CDH13: variants seen among roughly 807,000 people sequenced by gnomAD.
CDH13 encodes cadherin-13.
Under a neutral mutation model 63.8 loss-of-function variants are expected in CDH13, and 24 were observed. The observed-to-expected ratio is 0.38, with a 90% CI of 0.27 to 0.53. The LOEUF (loss-of-function observed/expected upper bound fraction) is 0.53, where lower values mean the gene tolerates loss of function less well. CDH13 is among the 20% of genes least tolerant of loss of function. CDH13 has a pLI of 0.85. For missense variants in CDH13, 1,049 were observed against 903.1 expected (o/e 1.16, Z -2.07); for synonymous variants, 503 against 355.3 (o/e 1.42, Z -4.67).
At chr16:82,850,729 C>A (rs900984248) in intron 1 of CDH13, among the ~76,000 whole-genome samples, 2 of 152,166 alleles carry the variant, frequency 1.3e-5, no homozygotes, top group African/African-American at 4.8e-5. Context: ...GCCACAGCCT[C>A]CCCAACCTTC....
At chr16:83,541,505 C>G (rs1338388594) in intron 7 of CDH13, among the ~76,000 whole-genome samples, 1 of 152,178 alleles carries the variant, frequency 6.6e-6, no homozygotes, top group East Asian at 1.9e-4. Context: ...ACTTAATTTT[C>G]CAAAGTTCCT....
chr16:83,478,494 C>G (rs879861861), intron 6 of CDH13, among the ~76,000 whole-genome samples: 2 of 152,114 alleles, frequency 1.3e-5, no homozygotes, highest in Non-Finnish European at 2.9e-5. Flanking sequence ...TTATCAAGCA[C>G]TTTCTGGATC....
intron 1 of CDH13, among the ~76,000 whole-genome samples, chr16:82,850,226 T>TG (rs35538485): frequency 0.64 from 97,149 of 151,932 alleles, 31,643 homozygotes; most frequent in East Asian, 0.86. Flanking sequence ...TTGTGATTCA[T>TG]GGGGGGTGGT....
chr16:83,298,135 C>A (rs879398476), intron 5 of CDH13, among the ~76,000 whole-genome samples: 2 of 151,270 alleles, frequency 1.3e-5, no homozygotes, highest in Non-Finnish European at 2.9e-5. Flanking sequence ...TCCAGCTACT[C>A]AGGAGGCTGA....
At chr16:83,696,679 A>G (rs1009133827) in intron 10 of CDH13, among the ~76,000 whole-genome samples, 19 of 152,224 alleles carry the variant, frequency 1.2e-4, no homozygotes, top group African/African-American at 3.6e-4. Flanking sequence ...AAACACAGCA[A>G]CTGGCCTTCA....
intron 6 of CDH13, chr16:83,397,551 C>T (rs1036985327): frequency 6.6e-6 from 1 of 152,204 alleles, no homozygotes; most frequent in Non-Finnish European, 1.5e-5. Context: ...TGGAAAACAG[C>T]ATCGTGTATT....
intron 2 of CDH13, among the ~76,000 whole-genome samples, chr16:82,932,398 G>C (rs2042526005): frequency 6.6e-6 from 1 of 152,132 alleles, no homozygotes; most frequent in African/African-American, 2.4e-5. Flanking sequence ...GAGGTAAAGA[G>C]ATTATTTTTG....
chr16:82,696,521 G>T (rs530498206), intron 1 of CDH13, among the ~76,000 whole-genome samples: 119 of 152,234 alleles, frequency 7.8e-4, no homozygotes, highest in African/African-American at 2.7e-3. Context: ...TGGTTTTGAT[G>T]GCAGCAAATA....
intron 6 of CDH13, among the ~76,000 whole-genome samples, chr16:83,448,946 G>A (rs923919654): frequency 1.3e-5 from 2 of 152,172 alleles, no homozygotes; most frequent in African/African-American, 4.8e-5. Context: ...TTCGTATGGA[G>A]ACAGATTACA....
intron 3 of CDH13, among the ~76,000 whole-genome samples, chr16:83,119,560 C>T (rs2035470256): frequency 6.6e-6 from 1 of 152,230 alleles, no homozygotes; most frequent in Admixed American, 6.5e-5. Flanking sequence ...CCATACACTG[C>T]TCTTCTGCCT....
At chr16:83,759,478 T>A (rs931998847) in intron 11 of CDH13, among the ~76,000 whole-genome samples, 1 of 152,018 alleles carries the variant, frequency 6.6e-6, no homozygotes, top group African/African-American at 2.4e-5. Context: ...GTCCTTTGTG[T>A]AAGCAAAGCT....
At chr16:83,028,038 C>T (rs1176987167) in intron 2 of CDH13, among the ~76,000 whole-genome samples, 2 of 152,090 alleles carry the variant, frequency 1.3e-5, no homozygotes, top group Non-Finnish European at 1.5e-5. Flanking sequence ...GCTGGGAATC[C>T]AGAACCCCCA....
At chr16:82,909,025 C>A (rs1437062279) in intron 2 of CDH13, among the ~76,000 whole-genome samples, 1 of 152,124 alleles carries the variant, frequency 6.6e-6, no homozygotes. Flanking sequence ...GGTCCTGAAA[C>A]CAATCTTCTC....
At chr16:83,026,535 T>C (rs140116462) in intron 2 of CDH13, among the ~76,000 whole-genome samples, 4 of 152,330 alleles carry the variant, frequency 2.6e-5, no homozygotes, top group Middle Eastern at 3.4e-3. Flanking sequence ...AGTATAGATA[T>C]ACTTGTAGTA....
intron 3 of CDH13, among the ~76,000 whole-genome samples, chr16:83,120,968 T>C (rs1030098324): frequency 6.6e-6 from 1 of 152,090 alleles, no homozygotes; most frequent in Non-Finnish European, 1.5e-5. Context: ...TTCACCTTGT[T>C]GGTCAGCCTG....
At chr16:83,447,065 A>AC (rs1598042038) in intron 6 of CDH13, among the ~76,000 whole-genome samples, 1 of 141,436 alleles carries the variant, frequency 7.1e-6, no homozygotes, top group Non-Finnish European at 1.5e-5. Context: ...AAAAAAAAAA[A>AC]AAAAAAAAAC....
chr16:82,914,312 A>G (rs939747367), intron 2 of CDH13, among the ~76,000 whole-genome samples: 1 of 152,200 alleles, frequency 6.6e-6, no homozygotes, highest in African/African-American at 2.4e-5. Flanking sequence ...AAACTATCAT[A>G]ACCCGTATAG....
intron 11 of CDH13, among the ~76,000 whole-genome samples, chr16:83,772,067 G>A (rs894176762): frequency 6.6e-6 from 1 of 152,120 alleles, no homozygotes; most frequent in Non-Finnish European, 1.5e-5. Flanking sequence ...GAAGGATGGG[G>A]GGTGACTTTT....
intron 3 of CDH13, among the ~76,000 whole-genome samples, chr16:83,036,674 G>C (rs149459412): frequency 6.6e-6 from 1 of 152,210 alleles, no homozygotes; most frequent in Non-Finnish European, 1.5e-5. Flanking sequence ...TCTGACCCTT[G>C]ATATCTGGCT....
Sources: allele counts gnomAD v4.1 joint callset (sites outside exome capture counted in the v4.1 genomes callset), GRCh38; gene constraint gnomAD v4.1.1; transcripts MANE v1.5; gene names NCBI Gene and HGNC (gene_info 2026-07-23, HGNC 2026-07-21).